Variants in ASTN2 observed in about 807,000 individuals in gnomAD.
ASTN2 encodes the protein astrotactin 2.
In ASTN2, 54 loss-of-function variants were observed where a neutral mutation model predicts 139.8. The ratio of observed to expected loss-of-function variants is 0.39; its 90% CI spans 0.31 to 0.48. The LOEUF (loss-of-function observed/expected upper bound fraction) is 0.48. Ranked by LOEUF, ASTN2 falls within the 20% of genes least tolerant of loss-of-function variation. The pLI is 0.95. For missense variants in ASTN2, 1,565 were observed against 1,725.1 expected (o/e 0.91, Z 1.64); for synonymous variants, 756 against 719.5 (o/e 1.05, Z -0.81).
chr9:116,567,552 G>A (rs1271555861), intron 19 of ASTN2, among the ~76,000 whole-genome samples: 1 of 152,152 alleles, frequency 6.6e-6, no homozygotes. Context: ...GCCAGATGGG[G>A]AATAGTCACA....
At chr9:116,610,610 C>T (rs1190490005) in intron 19 of ASTN2, among the ~76,000 whole-genome samples, 1 of 149,032 alleles carries the variant, frequency 6.7e-6, no homozygotes, top group Admixed American at 6.7e-5. Context: ...CCTCAAAAAA[C>T]AAAAAAAAAG....
chr9:117,283,091 G>A (rs978462620), intron 2 of ASTN2, among the ~76,000 whole-genome samples: 3 of 151,600 alleles, frequency 2.0e-5, no homozygotes, highest in Non-Finnish European at 4.4e-5. Context: ...AAGAAACTCA[G>A]AGAGGTGAGA....
intron 7 of ASTN2, among the ~76,000 whole-genome samples, chr9:116,982,729 C>G (rs1403105328): frequency 6.6e-6 from 1 of 152,022 alleles, no homozygotes; most frequent in Non-Finnish European, 1.5e-5. Flanking sequence ...TCATTCCCAG[C>G]TAATTTTTAA....
chr9:116,641,916 G>A, intron 17 of ASTN2, among the ~76,000 whole-genome samples: 1 of 151,926 alleles, frequency 6.6e-6, no homozygotes, highest in East Asian at 1.9e-4. Flanking sequence ...CTCCTTCTCA[G>A]AATGCACTAA....
At chr9:117,142,688 G>C (rs1461903719) in intron 3 of ASTN2, among the ~76,000 whole-genome samples, 1 of 151,996 alleles carries the variant, frequency 6.6e-6, no homozygotes, top group Non-Finnish European at 1.5e-5. Context: ...AAAGTTGGAA[G>C]ATAAAAGGAA....
chr9:116,708,988 T>C (rs73515250), intron 16 of ASTN2, among the ~76,000 whole-genome samples: 2,772 of 152,334 alleles, frequency 0.018, 87 homozygotes, highest in African/African-American at 0.064. Context: ...ACAGGCATCT[T>C]GTGCCATAAA....
At position 117,332,847 on chromosome 9, in the gene ASTN2, C is replaced by T. The variant is rs574508636; in HGVS notation, c.443-41334G>A. ...AAAAGCTATGAAATACAGATGCATGCTAAAACATGAATGAACCTTGAAAAC... is the reference window on the plus strand; with the variant it reads ...AAAAGCTATGAAATACAGATGCATGTTAAAACATGAATGAACCTTGAAAAC... On this transcript the variant is annotated intron_variant, in intron 1 of 22. Coordinates refer to ENST00000313400, the MANE Select transcript of ASTN2 (RefSeq NM_001365068.1). 2.0e-5 allele frequency among the ~76,000 whole-genome samples: 3 copies of T among 152,270 alleles called. No homozygotes were observed. The South Asian group carries it at 6.2e-4, about 32-fold the overall frequency.
chr9:117,265,199 T>C (rs183704846), intron 2 of ASTN2, among the ~76,000 whole-genome samples: 1 of 152,126 alleles, frequency 6.6e-6, no homozygotes, highest in East Asian at 1.9e-4. Context: ...TTAGAGGAGT[T>C]AGGAAACAAG....
chr9:116,649,191 T>G (rs1302681340), intron 17 of ASTN2, among the ~76,000 whole-genome samples: 1 of 152,222 alleles, frequency 6.6e-6, no homozygotes. Flanking sequence ...TCATATTTAT[T>G]GCATCTGTAT....
intron 10 of ASTN2, among the ~76,000 whole-genome samples, chr9:116,945,867 G>A (rs1329746060): frequency 1.3e-5 from 2 of 152,102 alleles, no homozygotes; most frequent in Non-Finnish European, 2.9e-5. Flanking sequence ...TATGAGACTG[G>A]GTAATTTATG....
At chr9:117,401,513 C>T (rs541121300) in intron 1 of ASTN2, among the ~76,000 whole-genome samples, 1 of 152,220 alleles carries the variant, frequency 6.6e-6, no homozygotes. Context: ...ATCCTAAAAA[C>T]AATGAGAAAC....
At chr9:116,512,796 T>C (rs181384689) in intron 19 of ASTN2, among the ~76,000 whole-genome samples, 33 of 152,306 alleles carry the variant, frequency 2.2e-4, no homozygotes, top group Admixed American at 5.9e-4. Context: ...TGGTTTAAAA[T>C]CTCTTTTATC....
At chr9:117,086,746 T>C (rs1434036705) in intron 5 of ASTN2, among the ~76,000 whole-genome samples, 1 of 152,118 alleles carries the variant, frequency 6.6e-6, no homozygotes, top group African/African-American at 2.4e-5. Context: ...CCAGGCCCTG[T>C]AATAACCAGA....
At chr9:117,047,575 A>G (rs1455095536) in intron 5 of ASTN2, among the ~76,000 whole-genome samples, 1 of 152,184 alleles carries the variant, frequency 6.6e-6, no homozygotes, top group Non-Finnish European at 1.5e-5. Context: ...CTATTCTCAG[A>G]TAGTTTAATG....
chr9:116,859,607 T>C (rs1296779051), intron 11 of ASTN2, among the ~76,000 whole-genome samples: 1 of 152,198 alleles, frequency 6.6e-6, no homozygotes, highest in Non-Finnish European at 1.5e-5. Flanking sequence ...AAGACAGGAA[T>C]GTTGGAAGTC....
intron 13 of ASTN2, among the ~76,000 whole-genome samples, chr9:116,790,465 C>A (rs948483317): frequency 1.3e-5 from 2 of 152,030 alleles, no homozygotes; most frequent in Non-Finnish European, 2.9e-5. Flanking sequence ...CCCTTCATGA[C>A]CCACCTTGAC....
chr9:117,339,608 A>C (rs1383593150), intron 1 of ASTN2, among the ~76,000 whole-genome samples: 1 of 152,160 alleles, frequency 6.6e-6, no homozygotes, highest in Admixed American at 6.5e-5. Flanking sequence ...GCAAGAACCC[A>C]ACAGCTTCCC....
chr9:116,929,467 G>C (rs991384469), intron 10 of ASTN2, among the ~76,000 whole-genome samples: 2 of 151,990 alleles, frequency 1.3e-5, no homozygotes, highest in Non-Finnish European at 2.9e-5. Flanking sequence ...ACTTTTTTTG[G>C]GAGATCCTAA....
In ASTN2 at chr9:116,620,357, G is replaced by C. The variant is rs1487793129; in HGVS notation, c.3159C>G (p.Ala1053=). 4 of 1,614,170 alleles carry C rather than the reference G, an allele frequency of 2.5e-6. No individual in the cohort carries two copies. The Admixed American group carries it at 5.0e-5, about 20-fold the overall frequency. ...AGTTGGGGAGCCCATTGGCATCAAA[G>C]GCGCTGAGGTCACACCTGCACCAGT... ...IDDWCRCDLS[A]FDANGLPNCS... The change falls in exon 18 of 23, where the codon GCC becomes GCG. Residue 1053 remains alanine (A), a synonymous_variant. Coordinates refer to ENST00000313400, the MANE Select transcript of ASTN2 (RefSeq NM_001365068.1).
Sources: gnomAD v4.1 joint callset for allele counts (sites outside exome capture counted in the v4.1 genomes callset) on GRCh38, gnomAD v4.1.1 for gene constraint, MANE v1.5 for transcripts, NCBI Gene and HGNC (gene_info 2026-07-23, HGNC 2026-07-21) for gene names.